The following USP54 variants were observed in gnomAD, a reference collection of about 807,000 sequenced individuals.
USP54 encodes the protein ubiquitin carboxyl-terminal hydrolase 54.
A neutral mutation model predicts 170.5 loss-of-function variants in USP54; 87 were observed. The ratio of observed to expected loss-of-function variants is 0.51; its 90% CI spans 0.43 to 0.61. The LOEUF (loss-of-function observed/expected upper bound fraction) is 0.61. Ranked by LOEUF, USP54 falls within the 20% of genes least tolerant of loss-of-function variation. The probability of loss-of-function intolerance (pLI) is 0.00; values close to 1 mark genes in which losing one functional copy is unlikely to be tolerated. For missense variants in USP54, 1,786 were observed against 2,047.8 expected (o/e 0.87, Z 2.47); for synonymous variants, 655 against 742.8 (o/e 0.88, Z 1.92).
rs2132249885 is a variant in USP54, at chr10:73,597,567, C to T, written c.-17-21892G>A. ...TTGCTGACCTAAGCAATCAACACTC[C>T]CCACTCTCTGGCCCTCTAACCACCA... On this transcript the variant is annotated intron_variant, in intron 1 of 22. Transcript: ENST00000339859. 1.3e-5 allele frequency among the ~76,000 whole-genome samples: 2 copies of T among 152,256 alleles called. 1 individual carries two copies. Among genetic ancestry groups the T allele is most frequent in the South Asian group, 4.1e-4 (2 of 4,828 alleles).
At chr10:73,538,893 T>C (rs2065904080) in intron 10 of USP54, among the ~76,000 whole-genome samples, 1 of 152,118 alleles carries the variant, frequency 6.6e-6, no homozygotes, top group Admixed American at 6.6e-5. Context: ...GAGGATATAA[T>C]AGAAGATACA....
rs1554881012 is a variant in USP54, at chr10:73,539,307, A to ATAT, written c.975+136_975+137insATA. ...AAAAAAAAAAATTAAAAAAAAAAAAAATATATATATATATATGTTTTATAG... is the reference window on the plus strand; with the variant it reads ...AAAAAAAAAAATTAAAAAAAAAAAAATATATATATATATATATATGTTTTATAG... On this transcript the variant is annotated intron_variant, in intron 10 of 23. Transcript: ENST00000687698. 1.4e-4 allele frequency: 38 copies of ATAT among 280,312 alleles called. No homozygotes were observed. In the East Asian group the frequency reaches 1.4e-3, roughly 10 times the overall value. The allele number at this position is 280,312 out of a possible 1,614,324, so 17.4% of individuals were successfully genotyped here.
Position 73,542,850 on chromosome 10 carries a change from C to A in USP54, c.525G>T (p.Pro175=). Residue 175 remains proline (P), a synonymous_variant, in exon 7 of 24, where the codon CCG becomes CCT. Transcript: ENST00000687698. ...AATGTACCATCTGGATGAAAGGCAG[C>A]GGATCAGAAGTGGCACCACAGCTAG... ...VCTSCGATSD[P]LPFIQMVHYI... The A allele has an allele frequency of 6.2e-7, 1 of 1,613,936 alleles. No homozygotes were observed. Among genetic ancestry groups the A allele is most frequent in the Non-Finnish European group, 8.5e-7 (1 of 1,179,994 alleles).
At chr10:73,529,612 G>A (rs754305036) in intron 15 of USP54, 68 bp downstream of exon 15, 2 of 1,584,420 alleles carry the variant, frequency 1.3e-6, no homozygotes, top group Admixed American at 1.7e-5. Context: ...AGCCATGCCT[G>A]AAAGCCCCAA....
At chr10:73,548,883 AAAGT>A (rs2068557557) in intron 4 of USP54, among the ~76,000 whole-genome samples, 1 of 152,224 alleles carries the variant, frequency 6.6e-6, no homozygotes, top group Non-Finnish European at 1.5e-5. Flanking sequence ...TTTTATTAAA[AAAGT>A]AATTTATTCA....
At chr10:73,611,180 G>A (rs935850537) in intron 1 of USP54, among the ~76,000 whole-genome samples, 1 of 152,026 alleles carries the variant, frequency 6.6e-6, no homozygotes, top group African/African-American at 2.4e-5. Flanking sequence ...TTTATTATAT[G>A]AAAGTATCCC....
intron 20 of USP54, chr10:73,515,755 T>A (rs528727478): frequency 6.6e-6 from 1 of 151,592 alleles, no homozygotes; most frequent in African/African-American, 2.4e-5. Flanking sequence ...TCATGCTGAA[T>A]CACTCTCAAA....
chr10:73,601,313 C>A (rs950958481), intron 1 of USP54, among the ~76,000 whole-genome samples: 1 of 152,024 alleles, frequency 6.6e-6, no homozygotes, highest in African/African-American at 2.4e-5. Context: ...GTGTAGGAAA[C>A]AAAATTGTTA....
At chr10:73,540,271 TAA>T (rs777390854) in intron 9 of USP54, among the ~76,000 whole-genome samples, 8 of 131,882 alleles carry the variant, frequency 6.1e-5, no homozygotes, top group Admixed American at 7.6e-5. Flanking sequence ...AAAGTTGGAT[TAA>T]AAAAAAAAAA....
intron 4 of USP54, among the ~76,000 whole-genome samples, chr10:73,569,630 G>T (rs2074610794): frequency 6.6e-6 from 1 of 151,730 alleles, no homozygotes; most frequent in Non-Finnish European, 1.5e-5. Flanking sequence ...GCAGGTGCCT[G>T]TAATCCCAGC....
intron 4 of USP54, among the ~76,000 whole-genome samples, chr10:73,570,559 T>A (rs1402615739): frequency 2.0e-5 from 3 of 149,292 alleles, no homozygotes; most frequent in Non-Finnish European, 4.5e-5. Context: ...TCTTTTTTTT[T>A]TTTTTTTTTG....
intron 1 of USP54, among the ~76,000 whole-genome samples, chr10:73,619,932 A>G (rs1488197503): frequency 2.0e-5 from 3 of 150,588 alleles, no homozygotes; most frequent in African/African-American, 7.5e-5. Flanking sequence ...ATAACTTGGC[A>G]ATGTGGTAGA....
intron 4 of USP54, among the ~76,000 whole-genome samples, chr10:73,550,019 G>T (rs1292271162): frequency 6.6e-6 from 1 of 152,046 alleles, no homozygotes; most frequent in Admixed American, 6.6e-5. Flanking sequence ...CACCTCCCAG[G>T]TTCAAGCGAT....
chr10:73,517,552 C>A lies in USP54; in HGVS notation c.2874G>T (p.Ser958=), dbSNP rs144319515. The A allele has an allele frequency of 3.9e-5, 63 of 1,614,122 alleles. 1 individual carries two copies. In the African/African-American group the frequency reaches 7.2e-4, roughly 18 times the overall value. ...AGGGTTCAATGTTGTCTACTTCAACCGAAGTCAGAAGCTTCAAGGCAGATC... is the reference window on the plus strand; with the variant it reads ...AGGGTTCAATGTTGTCTACTTCAACAGAAGTCAGAAGCTTCAAGGCAGATC... ...PSRSALKLLT[S]VEVDNIEPSA... is the part of the protein sequence containing the mutation. The change falls in exon 20 of 24, where the codon TCG becomes TCT. Residue 958 remains serine (S), a synonymous_variant. Transcript: ENST00000687698.
At chr10:73,599,732 T>C (rs1454229219) in intron 1 of USP54, among the ~76,000 whole-genome samples, 2 of 151,474 alleles carry the variant, frequency 1.3e-5, no homozygotes, top group Non-Finnish European at 1.5e-5. Flanking sequence ...AATAATAATC[T>C]ATATATTTAT....
In USP54 at chr10:73,500,783, G is replaced by A. The variant is rs750114103; in HGVS notation, c.4367C>T (p.Ser1456Phe). 2 of 1,601,490 alleles carry A rather than the reference G, an allele frequency of 1.2e-6. No individual in the cohort carries two copies. Among genetic ancestry groups the A allele is most frequent in the Admixed American group, 1.8e-5 (1 of 56,608 alleles). ...LETGHRCSSS[S>F]SLPVIHDPSV... ...AGGGTCATGGATGACAGGGAGGGAA[G>A]AGGAGCTGGAACAACGGTGCCCGGT... is the stretch of plus-strand genomic sequence containing the variant. Residue 1456 changes from serine (S) to phenylalanine (F), a missense_variant, in exon 23 of 24, where the codon TCT (serine) becomes TTT (phenylalanine). This residue lies in a region of USP54 where 1,418 missense variants were observed against 1,569.0 expected (regional missense o/e 0.90). Coordinates refer to ENST00000687698, the MANE Select transcript of USP54 (RefSeq NM_001391956.1).
chr10:73,508,913 A>G (rs1468419449), intron 20 of USP54, among the ~76,000 whole-genome samples: 10 of 150,226 alleles, frequency 6.7e-5, no homozygotes, highest in Non-Finnish European at 1.2e-4. Flanking sequence ...TGATCTGCCC[A>G]CCTTGGCCTC....
chr10:73,544,251 A>T (rs1294830171), intron 5 of USP54, among the ~76,000 whole-genome samples: 1 of 152,130 alleles, frequency 6.6e-6, no homozygotes, highest in African/African-American at 2.4e-5. Context: ...TAACCTTTTG[A>T]TATTGCATTT....
rs768561681 is a variant in USP54, at chr10:73,517,586, G to A, written c.2840C>T (p.Ser947Phe). The change falls in exon 20 of 24, where the codon TCC (serine) becomes TTC (phenylalanine). Residue 947 changes from serine to phenylalanine, a missense_variant. Physicochemically the swap from Ser to Phe is radical, Grantham distance 155. Around this residue, in one of 3 missense-constraint regions of USP54, gnomAD observed 1,418 missense variants for 1,569.0 expected, o/e 0.90. Transcript: ENST00000687698. ...SPESSAPQHS[S>F]PSRSALKLLT... is the part of the protein sequence containing the mutation. Reference sequence around the variant, plus strand: ...AAGCTTCAAGGCAGATCTACTGGGGGAGCTGTGCTGTGGGGCAGATGACTC... The same window carrying A: ...AAGCTTCAAGGCAGATCTACTGGGGAAGCTGTGCTGTGGGGCAGATGACTC... 47 of 1,614,082 alleles carry A rather than the reference G, an allele frequency of 2.9e-5. No individual in the cohort carries two copies. Among genetic ancestry groups the A allele is most frequent in the Non-Finnish European group, 3.6e-5 (42 of 1,180,052 alleles).
Sources: gnomAD v4.1 joint callset for allele counts (sites outside exome capture counted in the v4.1 genomes callset) on GRCh38, gnomAD v4.1.1 for gene constraint, gnomAD v4.1.1 regional missense constraint, MANE v1.5 for transcripts, NCBI Gene and HGNC (gene_info 2026-07-23, HGNC 2026-07-21) for gene names.